URM1: variants seen among roughly 807,000 people sequenced by gnomAD.
URM1 encodes the protein ubiquitin related modifier 1, also known as ubiquitin-related modifier 1.
A neutral mutation model predicts 17.7 loss-of-function variants in URM1; 11 were observed. That is an observed-to-expected ratio of 0.62 (90% CI 0.39 to 1.03). The LOEUF (loss-of-function observed/expected upper bound fraction) is 1.03. Among genes scored for constraint, URM1 ranks in the 50% least tolerant of loss-of-function variants. URM1 has a pLI of 0.00. For synonymous variants in URM1, 48 were observed against 50.6 expected, an observed-to-expected ratio of 0.95 and a Z score of 0.22; for missense variants, 128 against 129.2, an observed-to-expected ratio of 0.99 and a Z score of 0.04.
At chr9:128,371,830 A>G (rs913043741) in intron 1 of URM1, among the ~76,000 whole-genome samples, 2 of 152,174 alleles carry the variant, frequency 1.3e-5, no homozygotes, top group East Asian at 1.9e-4. Flanking sequence ...TTACACTGTT[A>G]TTAAGGTCTT....
intron 3 of URM1, 34 bp from the exon 4 acceptor site, chr9:128,389,227 C>T (rs770271022): frequency 3.2e-6 from 5 of 1,569,756 alleles, no homozygotes; most frequent in African/African-American, 1.3e-5. Context: ...TCCTGCCTCT[C>T]ACTCCTTGCT....
chr9:128,383,180 C>G (rs1564411788), intron 2 of URM1, among the ~76,000 whole-genome samples: 1 of 152,166 alleles, frequency 6.6e-6, no homozygotes, highest in Non-Finnish European at 1.5e-5. Context: ...CTCCCTCCTC[C>G]CCACACCCCT....
chr9:128,379,264 G>A (rs984646493), intron 2 of URM1, among the ~76,000 whole-genome samples: 3 of 151,990 alleles, frequency 2.0e-5, no homozygotes, highest in African/African-American at 4.8e-5. Context: ...GGCAGATCAC[G>A]AGGTCAGGAG....
At chr9:128,373,715 T>C (rs1833041222) in intron 1 of URM1, among the ~76,000 whole-genome samples, 1 of 152,122 alleles carries the variant, frequency 6.6e-6, no homozygotes. Flanking sequence ...GTCCCACCCC[T>C]CTTCCTCCTT....
At position 128,389,815 on chromosome 9, in the gene URM1, C is replaced by T. The variant is rs1453565522; in HGVS notation, c.*81C>T. On this transcript the variant is annotated 3_prime_UTR_variant, in exon 5 of 5. Transcript: ENST00000372853. ...CCCCTTGGGCCCTGCTTCCAGGTCT[C>T]CCTGTCCCCCTTGCCTGCCTTCTTC... The T allele has an allele frequency of 1.3e-6, 2 of 1,580,534 alleles. No individual in the cohort carries two copies. Among genetic ancestry groups the T allele is most frequent in the Non-Finnish European group, 1.7e-6 (2 of 1,158,400 alleles).
intron 3 of URM1, chr9:128,388,148 A>G (rs1833253143): frequency 1.5e-6 from 2 of 1,296,876 alleles, no homozygotes; most frequent in South Asian, 4.8e-5. Flanking sequence ...TGGTTGCCAC[A>G]GACTTGCTGT....
intron 2 of URM1, among the ~76,000 whole-genome samples, chr9:128,384,084 G>A (rs1833195888): frequency 6.6e-6 from 1 of 152,158 alleles, no homozygotes; most frequent in African/African-American, 2.4e-5. Flanking sequence ...CTTGGTGTTT[G>A]GATTATTATC....
chr9:128,389,380 C>T (rs1229089835), intron 4 of URM1, 71 bp downstream of exon 4: 2 of 1,613,622 alleles, frequency 1.2e-6, no homozygotes, highest in East Asian at 2.2e-5. Context: ...CGTTGGGCCT[C>T]TCCTCAGGCA....
chr9:128,384,648 A>G (rs1468997678), intron 2 of URM1, among the ~76,000 whole-genome samples: 1 of 152,178 alleles, frequency 6.6e-6, no homozygotes, highest in Non-Finnish European at 1.5e-5. Flanking sequence ...CGCGAGGGGT[A>G]TAGGTTCTTC....
intron 2 of URM1, among the ~76,000 whole-genome samples, chr9:128,378,349 C>T (rs912881157): frequency 6.6e-6 from 1 of 151,616 alleles, no homozygotes; most frequent in Non-Finnish European, 1.5e-5. Flanking sequence ...CCAGCCTGGC[C>T]AACATGGTGA....
intron 2 of URM1, among the ~76,000 whole-genome samples, chr9:128,386,203 T>C (rs992207950): frequency 3.9e-5 from 6 of 152,180 alleles, no homozygotes; most frequent in African/African-American, 1.4e-4. Flanking sequence ...GGCTGATGGA[T>C]GTGTCAGACC....
chr9:128,371,838 C>T (rs1833017861), intron 1 of URM1, among the ~76,000 whole-genome samples: 1 of 152,154 alleles, frequency 6.6e-6, no homozygotes, highest in South Asian at 2.1e-4. Flanking sequence ...TTATTAAGGT[C>T]TTGTTTCTCG....
Position 128,378,542 on chromosome 9 carries a change from CAAAAAAAAAA to C in URM1, c.106+457_106+466del, listed in dbSNP as rs58676800. Among the ~76,000 whole-genome samples, 70 of 23,022 alleles carry C rather than the reference CAAAAAAAAAA, an allele frequency of 3.0e-3. No individual in the cohort carries two copies. In the East Asian group the frequency reaches 0.12, roughly 40 times the overall value. The allele number at this position is 23,022 out of a possible 152,430, so 15.1% of individuals were successfully genotyped here. On this transcript the variant is annotated intron_variant, in intron 2 of 4. Transcript: ENST00000372853. ...TGGGCGACAAAGCAAGACTCCATCT[CAAAAAAAAAA>C]AAAAAAAAAAAAAAAAAAAACTTGT...
chr9:128,389,772 A>G lies in URM1; in HGVS notation c.*38A>G. ...GGGCCTGGGCACCCTTAGAGGGGAGAACGAAGCAATCAGACATCCCCTTGG... is the reference window on the plus strand; with the variant it reads ...GGGCCTGGGCACCCTTAGAGGGGAGGACGAAGCAATCAGACATCCCCTTGG... On this transcript the variant is annotated 3_prime_UTR_variant, in exon 5 of 5. Transcript: ENST00000372853. 1.2e-6 allele frequency: 2 copies of G among 1,612,794 alleles called. No homozygotes were observed. The highest frequency in any genetic ancestry group is 1.7e-6 in the Non-Finnish European group (2 of 1,179,688).
Position 128,389,659 on chromosome 9 carries a change from G to A in URM1, c.238-7G>A, listed in dbSNP as rs370747877. On this transcript the variant is annotated splice_polypyrimidine_tract_variant and splice_region_variant and intron_variant, in intron 4 of 4. Coordinates refer to ENST00000372853, the MANE Select transcript of URM1 (RefSeq NM_030914.4). ...AGGGTCTCCCGCTCCCCTCTCTCCC[G>A]CACCAGGGTGAGCTGGACTACCAGC... 138 of 1,613,430 alleles carry A rather than the reference G, an allele frequency of 8.6e-5. 4 individuals carry two copies. The Middle Eastern group carries it at 3.3e-3, about 39-fold the overall frequency.
rs946065502 is a variant in URM1 at position 128,390,341 on chromosome 9, A to G, written c.*607A>G. The G allele has an allele frequency of 1.3e-5, 2 of 150,816 alleles. No individual in the cohort carries two copies. The highest frequency in any genetic ancestry group is 3.1e-3 in the Middle Eastern group (1 of 318). 9.3% of individuals were successfully genotyped at this position (150,816 alleles called of 1,614,324 possible). A position where few individuals can be genotyped will look rare whatever the true frequency, so the allele number is the denominator to read the frequency against. ...CACCCCTCCTGCTCCCCCCACCCCT[A>G]GCCCTTGACCCTGGCTGGCCTGCCC... On this transcript the variant is annotated 3_prime_UTR_variant, in exon 5 of 5. Coordinates refer to ENST00000372853, the MANE Select transcript of URM1 (RefSeq NM_030914.4).
intron 2 of URM1, among the ~76,000 whole-genome samples, chr9:128,380,910 C>T (rs1441546946): frequency 3.3e-5 from 5 of 152,096 alleles, no homozygotes; most frequent in African/African-American, 9.7e-5. Flanking sequence ...CTGCAAGCTC[C>T]GCCTCCCGGG....
At chr9:128,372,935 T>C (rs1230890742) in intron 1 of URM1, among the ~76,000 whole-genome samples, 5 of 151,990 alleles carry the variant, frequency 3.3e-5, no homozygotes, top group Non-Finnish European at 7.4e-5. Context: ...AGAAGATTTA[T>C]CTGCAGACAA....
Position 128,371,426 on chromosome 9 carries a change from G to A in URM1, c.35+11G>A, listed in dbSNP as rs764341683. On this transcript the variant is annotated intron_variant, in intron 1 of 4. Coordinates refer to ENST00000372853, the MANE Select transcript of URM1 (RefSeq NM_030914.4). Reference sequence around the variant, plus strand: ...GGAGGTGGAGTTCGGGTGAGTCACAGAGCTGGGGCGCCGTGGGGATGGATT... The same window carrying A: ...GGAGGTGGAGTTCGGGTGAGTCACAAAGCTGGGGCGCCGTGGGGATGGATT... 4 of 1,612,050 alleles carry A rather than the reference G, an allele frequency of 2.5e-6. No homozygotes were observed. The highest frequency in any genetic ancestry group is 3.4e-6 in the Non-Finnish European group (4 of 1,178,678).
Sources: allele counts gnomAD v4.1 joint callset (sites outside exome capture counted in the v4.1 genomes callset), GRCh38; gene constraint gnomAD v4.1.1; transcripts MANE v1.5; gene names NCBI Gene and HGNC (gene_info 2026-07-23, HGNC 2026-07-21).